The following TLK1 variants were observed in gnomAD, a reference collection of about 807,000 sequenced individuals.
TLK1 encodes serine/threonine-protein kinase tousled-like 1.
In TLK1, 24 loss-of-function variants were observed where a neutral mutation model predicts 105.3. The observed-to-expected ratio is 0.23, with a 90% CI of 0.17 to 0.32. The LOEUF (loss-of-function observed/expected upper bound fraction) is 0.32, where lower values mean the gene tolerates loss of function less well. Ranked by LOEUF, TLK1 falls within the 10% of genes least tolerant of loss-of-function variation. The pLI is 1.00. For synonymous variants in TLK1, 321 were observed against 310.4 expected, an observed-to-expected ratio of 1.03 and a Z score of -0.36; for missense variants, 558 against 910.5, an observed-to-expected ratio of 0.61 and a Z score of 4.98.
intron 3 of TLK1, among the ~76,000 whole-genome samples, chr2:171,078,409 A>G (rs541731716): frequency 6.6e-6 from 1 of 152,184 alleles, no homozygotes; most frequent in Admixed American, 6.5e-5. Flanking sequence ...ATGGTGGCGC[A>G]CACCTGTAGT....
chr2:171,123,470 TG>T (rs1421823471), intron 1 of TLK1, among the ~76,000 whole-genome samples: 1 of 152,144 alleles, frequency 6.6e-6, no homozygotes, highest in African/African-American at 2.4e-5. Flanking sequence ...CCTAAAGTGC[TG>T]GGATTACAGG....
chr2:171,182,765 A>C (rs938235498), intron 1 of TLK1, among the ~76,000 whole-genome samples: 1 of 151,830 alleles, frequency 6.6e-6, no homozygotes, highest in Non-Finnish European at 1.5e-5. Flanking sequence ...ACAAAAAATT[A>C]AAAAATTAGC....
At chr2:171,037,234 G>A (rs745948593) in intron 11 of TLK1, among the ~76,000 whole-genome samples, 2 of 151,976 alleles carry the variant, frequency 1.3e-5, no homozygotes, top group Non-Finnish European at 2.9e-5. Flanking sequence ...CTGAGGTCGG[G>A]AGTTCAAGAC....
intron 12 of TLK1, among the ~76,000 whole-genome samples, 169 bp downstream of exon 12, chr2:171,028,170 C>T (rs1472685715): frequency 6.6e-6 from 1 of 152,024 alleles, no homozygotes; most frequent in Non-Finnish European, 1.5e-5. Context: ...AATAAAAATA[C>T]TAATAAATAA....
chr2:171,094,703 G>A (rs1270737477), intron 2 of TLK1, among the ~76,000 whole-genome samples: 1 of 152,138 alleles, frequency 6.6e-6, no homozygotes, highest in African/African-American at 2.4e-5. Flanking sequence ...CCACCTCCCA[G>A]GTTCAAGCGA....
At chr2:171,063,261 G>A (rs983159221) in intron 3 of TLK1, among the ~76,000 whole-genome samples, 1 of 151,960 alleles carries the variant, frequency 6.6e-6, no homozygotes, top group Non-Finnish European at 1.5e-5. Context: ...CACAAGACTC[G>A]CTTGAACACA....
chr2:171,208,975 G>A (rs1693558993), intron 1 of TLK1, among the ~76,000 whole-genome samples: 1 of 152,196 alleles, frequency 6.6e-6, no homozygotes, highest in South Asian at 2.1e-4. Flanking sequence ...AAAAATTAGA[G>A]ACAACCTTGT....
intron 1 of TLK1, among the ~76,000 whole-genome samples, chr2:171,121,139 G>A (rs1690637505): frequency 6.6e-6 from 1 of 152,116 alleles, no homozygotes. Flanking sequence ...TTCTACAGAT[G>A]AATAGTGGTG....
At chr2:171,058,652 T>C (rs1372050001) in intron 4 of TLK1, among the ~76,000 whole-genome samples, 4 of 152,170 alleles carry the variant, frequency 2.6e-5, no homozygotes, top group Non-Finnish European at 5.9e-5. Context: ...AAAAACTAGA[T>C]TGTAAATATT....
intron 6 of TLK1, 101 bp from the exon 7 acceptor site, chr2:171,055,273 G>C (rs1430268422): frequency 1.4e-6 from 1 of 697,264 alleles, no homozygotes; most frequent in East Asian, 3.4e-5. Flanking sequence ...CATTTCTGAA[G>C]AAGTTTCTAT....
chr2:171,003,357 T>C (rs1185072392), intron 18 of TLK1, among the ~76,000 whole-genome samples: 1 of 151,148 alleles, frequency 6.6e-6, no homozygotes, highest in African/African-American at 2.4e-5. Context: ...CTTTACAAAT[T>C]TCTTTTTTTT....
chr2:171,022,950 T>A (rs1347493584), intron 12 of TLK1: 3 of 399,566 alleles, frequency 7.5e-6, no homozygotes, highest in African/African-American at 6.2e-5. Context: ...ACTAGTTGCA[T>A]GGTCCACTGT....
intron 14 of TLK1, among the ~76,000 whole-genome samples, chr2:171,010,403 C>T (rs1235003117): frequency 6.6e-6 from 1 of 151,978 alleles, no homozygotes; most frequent in Non-Finnish European, 1.5e-5. Flanking sequence ...TTTCCAGTAC[C>T]TATGAAGCAC....
chr2:171,104,676 G>A (rs1384174145), intron 2 of TLK1, among the ~76,000 whole-genome samples: 2 of 152,156 alleles, frequency 1.3e-5, no homozygotes, highest in African/African-American at 4.8e-5. Context: ...TCACCATGTT[G>A]GCCAGGCTGG....
At chr2:171,144,781 A>G (rs1691724961) in intron 1 of TLK1, among the ~76,000 whole-genome samples, 1 of 152,192 alleles carries the variant, frequency 6.6e-6, no homozygotes, top group South Asian at 2.1e-4. Flanking sequence ...TAAAGAGAAG[A>G]CAAAAGCAGG....
chr2:171,084,362 G>A (rs1459813569), intron 2 of TLK1, among the ~76,000 whole-genome samples: 1 of 152,122 alleles, frequency 6.6e-6, no homozygotes. Flanking sequence ...TAACAGGGTG[G>A]TACAATGAGT....
intron 3 of TLK1, among the ~76,000 whole-genome samples, chr2:171,064,420 T>C (rs1034671223): frequency 6.6e-6 from 1 of 152,184 alleles, no homozygotes; most frequent in Non-Finnish European, 1.5e-5. Flanking sequence ...TCATGACCAA[T>C]GATTTCCTTG....
At chr2:171,149,106 T>C (rs1187459462) in intron 1 of TLK1, among the ~76,000 whole-genome samples, 149 of 140,040 alleles carry the variant, frequency 1.1e-3, no homozygotes, top group African/African-American at 3.5e-3. Context: ...TTTCTTTTTT[T>C]TTTTTTTTTT....
At chr2:171,075,002 CTAGGTACTCAGAG>C in intron 3 of TLK1, among the ~76,000 whole-genome samples, 1 of 151,510 alleles carries the variant, frequency 6.6e-6, no homozygotes, top group East Asian at 1.9e-4. Context: ...TTCTTTCTTA[CTAGGTACTCAGAG>C]TAAGGCATTA....
Sources: gnomAD v4.1 joint callset for allele counts (sites outside exome capture counted in the v4.1 genomes callset) on GRCh38, gnomAD v4.1.1 for gene constraint, MANE v1.5 for transcripts, NCBI Gene and HGNC (gene_info 2026-07-23, HGNC 2026-07-21) for gene names.